The following CLEC10A variants were observed in gnomAD, a reference collection of about 807,000 sequenced individuals.
CLEC10A encodes the protein C-type lectin domain containing 10A, also known as C-type lectin domain family 10 member A.
CLEC10A carries 38 observed loss-of-function variants against 42.0 expected under a neutral mutation model. That is an observed-to-expected ratio of 0.90 (90% CI 0.70 to 1.18). CLEC10A has a LOEUF of 1.18. CLEC10A is among the 50% of genes most tolerant of loss of function. The pLI, the probability that CLEC10A is intolerant of heterozygous loss-of-function variation, is 0.00. For synonymous variants in CLEC10A, 126 were observed against 139.9 expected, an observed-to-expected ratio of 0.90 and a Z score of 0.70; for missense variants, 298 against 345.9, an observed-to-expected ratio of 0.86 and a Z score of 1.10.
intron 5 of CLEC10A, among the ~76,000 whole-genome samples, chr17:7,076,333 G>T (rs1211655978): frequency 2.3e-5 from 3 of 132,658 alleles, no homozygotes; most frequent in African/African-American, 8.7e-5. Flanking sequence ...TTTTTGAGAC[G>T]GAGTTTCACT....
chr17:7,075,369 G>T lies in CLEC10A; in HGVS notation c.692C>A (p.Thr231Asn). Residue 231 changes from threonine (T) to asparagine (N), a missense_variant, in exon 8 of 9, where the codon ACC becomes AAC. This residue lies in a region of CLEC10A where 267 missense variants were observed against 289.5 expected (regional missense o/e 0.92). Coordinates refer to ENST00000416562, the MANE Select transcript of CLEC10A (RefSeq NM_001330070.2). ...GCCAGGGTGCACTCACTGGAAGCCG[G>T]TCGCATAGTCTGTTCCATCCACCCA... ...WKWVDGTDYA[T>N]GFQNWKPGQP... is the part of the protein sequence containing the mutation. 3 of 1,515,170 alleles carry T rather than the reference G, an allele frequency of 2.0e-6. No homozygotes were observed. The highest frequency in any genetic ancestry group is 2.6e-6 in the Non-Finnish European group (3 of 1,133,918). The allele number at this position is 1,515,170 out of a possible 1,614,324, so 93.9% of individuals were successfully genotyped here.
chr17:7,074,964 T>C lies in CLEC10A; in HGVS notation c.*90A>G. The C allele has an allele frequency of 9.2e-7, 1 of 1,083,982 alleles. No individual in the cohort carries two copies. Among genetic ancestry groups the C allele is most frequent in the Non-Finnish European group, 1.3e-6 (1 of 795,006 alleles). The allele number at this position is 1,083,982 out of a possible 1,614,324, so 67.1% of individuals were successfully genotyped here. On this transcript the variant is annotated 3_prime_UTR_variant, in exon 9 of 9. Transcript: ENST00000416562. ...TGCTTCCAATCTCCCAGTGCTTATTTCTCTCCCAGAGCGGTCTTGCGAGGA... is the reference window on the plus strand; with the variant it reads ...TGCTTCCAATCTCCCAGTGCTTATTCCTCTCCCAGAGCGGTCTTGCGAGGA...
rs368232903 is a variant in CLEC10A, at chr17:7,075,698, A to G, written c.594+33T>C. 6.6e-5 allele frequency: 107 copies of G among 1,614,104 alleles called. No individual in the cohort carries two copies. In the African/African-American group the frequency reaches 1.3e-3, roughly 20 times the overall value. On this transcript the variant is annotated intron_variant, in intron 7 of 8. Transcript: ENST00000416562. The stretch of plus-strand genomic sequence containing the variant: ...TAAGAACCATTTCCCTAAATGGGAC[A>G]TGTCTTAGGAACTGAGTACCAGAAG...
rs775410503 is a variant in CLEC10A, at chr17:7,075,885, G to T, written c.440C>A (p.Ala147Asp). ...AGGGCAGCAGGTCCCTTCAGTGGAG[G>T]CTGATTGGGGAGAAATAGGATAGGG... Reference protein sequence around the residue: ...TCQVATLNNNASTEGTCCPVN... With the variant: ...TCQVATLNNNDSTEGTCCPVN... Residue 147 changes from alanine (A) to aspartate (D), a missense_variant and splice_region_variant, in exon 7 of 9, where the codon GCC becomes GAC. Around this residue, in one of 3 missense-constraint regions of CLEC10A, gnomAD observed 267 missense variants for 289.5 expected, o/e 0.92. Coordinates refer to ENST00000416562, the MANE Select transcript of CLEC10A (RefSeq NM_001330070.2). 1.9e-6 allele frequency: 3 copies of T among 1,594,160 alleles called. No homozygotes were observed. Among genetic ancestry groups the T allele is most frequent in the South Asian group, 1.1e-5 (1 of 90,626 alleles).
Position 7,078,128 on chromosome 17 carries a change from A to T in CLEC10A, c.68-15T>A. The T allele has an allele frequency of 1.3e-6, 2 of 1,592,430 alleles. No individual in the cohort carries two copies. Among genetic ancestry groups the T allele is most frequent in the Non-Finnish European group, 1.7e-6 (2 of 1,161,630 alleles). On this transcript the variant is annotated splice_polypyrimidine_tract_variant and intron_variant, in intron 2 of 8. Transcript: ENST00000416562. ...AGGAAGTGGCCCTGCAAGAGGAGAG[A>T]GTGTCAGGATGAGGAGGGTCCAGAC... is the stretch of plus-strand genomic sequence containing the variant.
intron 1 of CLEC10A, among the ~76,000 whole-genome samples, chr17:7,079,666 G>A (rs958786860): frequency 2.2e-4 from 34 of 152,096 alleles, no homozygotes; most frequent in Admixed American, 9.2e-4. Flanking sequence ...CTGGAAATGG[G>A]CCACCAATGA....
intron 1 of CLEC10A, among the ~76,000 whole-genome samples, 182 bp from the exon 2 acceptor site, chr17:7,079,067 T>C (rs1020907299): frequency 1.3e-5 from 2 of 152,122 alleles, no homozygotes; most frequent in Non-Finnish European, 2.9e-5. Context: ...ACGTTGGAGC[T>C]AAACGCATTG....
intron 5 of CLEC10A, 143 bp downstream of exon 5, chr17:7,076,590 G>T (rs964576528): frequency 5.4e-6 from 5 of 927,724 alleles, no homozygotes; most frequent in Non-Finnish European, 7.0e-6. Flanking sequence ...GGGATTACAG[G>T]CGTGAACCAC....
Position 7,078,122 on chromosome 17 carries a change from G to A in CLEC10A, c.68-9C>T. 11 of 1,599,398 alleles carry A rather than the reference G, an allele frequency of 6.9e-6. No individual in the cohort carries two copies. The highest frequency in any genetic ancestry group is 2.2e-5 in the East Asian group (1 of 44,786). ...CTGGAGAGGAAGTGGCCCTGCAAGA[G>A]GAGAGAGTGTCAGGATGAGGAGGGT... On this transcript the variant is annotated splice_polypyrimidine_tract_variant and intron_variant, in intron 2 of 8. Transcript: ENST00000416562.
At position 7,080,033 on chromosome 17, in the gene CLEC10A, G is replaced by C. The variant is rs1025009327; in HGVS notation, c.-74+19C>G. The C allele has an allele frequency of 1.3e-5, 2 of 152,208 alleles. No individual in the cohort carries two copies. The highest frequency in any genetic ancestry group is 6.5e-5 in the Admixed American group (1 of 15,274). The allele number at this position is 152,208 out of a possible 1,614,324, so 9.4% of individuals were successfully genotyped here. On this transcript the variant is annotated intron_variant, in intron 1 of 8. Transcript: ENST00000416562. The stretch of plus-strand genomic sequence containing the variant: ...ATCCCCTGTCCCCTGGGTCTCACCG[G>C]CACCGGCAGCACCATTACCTGTGGG...
chr17:7,079,185 C>A (rs1912037744), intron 1 of CLEC10A, among the ~76,000 whole-genome samples: 1 of 152,006 alleles, frequency 6.6e-6, no homozygotes, highest in South Asian at 2.1e-4. Flanking sequence ...TTGGGGTTAA[C>A]TTTGGTGGTG....
chr17:7,079,877 T>C (rs1245615919), intron 1 of CLEC10A, among the ~76,000 whole-genome samples, 175 bp downstream of exon 1: 2 of 151,840 alleles, frequency 1.3e-5, no homozygotes, highest in Non-Finnish European at 2.9e-5. Flanking sequence ...CGTAACCCAA[T>C]CTAGAATCCA....
Position 7,075,231 on chromosome 17 carries a change from A to G in CLEC10A, c.702-9T>C. The G allele has an allele frequency of 6.6e-7, 1 of 1,523,066 alleles. No homozygotes were observed. The highest frequency in any genetic ancestry group is 1.3e-5 in the South Asian group (1 of 76,426). 94.3% of individuals were successfully genotyped at this position (1,523,066 alleles called of 1,614,324 possible). On this transcript the variant is annotated splice_polypyrimidine_tract_variant and intron_variant, in intron 8 of 8. Coordinates refer to ENST00000416562, the MANE Select transcript of CLEC10A (RefSeq NM_001330070.2). ...GGCCTGGCTTCCAGTTCCTGAGAGG[A>G]AAAGACAACAGCAAGCTAGGAAGGG...
chr17:7,076,181 C>T (rs1567744456), intron 5 of CLEC10A, 110 bp from the exon 6 acceptor site: 1 of 1,602,238 alleles, frequency 6.2e-7, no homozygotes. Flanking sequence ...GGGAATGTTC[C>T]TTCCCGCCCC....
chr17:7,076,673 C>T (rs1183064496), intron 5 of CLEC10A, 60 bp downstream of exon 5: 20 of 1,573,466 alleles, frequency 1.3e-5, no homozygotes, highest in Non-Finnish European at 1.7e-5. Context: ...GGAGTCTGTT[C>T]CCACCTCCAC....
chr17:7,076,183 T>TTGGCG, intron 5 of CLEC10A, 112 bp from the exon 6 acceptor site: 1 of 1,589,746 alleles, frequency 6.3e-7, no homozygotes, highest in Non-Finnish European at 8.6e-7. Flanking sequence ...GAATGTTCCT[T>TTGGCG]CCCGCCCCCA....
In CLEC10A at chr17:7,075,987, T is replaced by C. The variant is rs1911710601; in HGVS notation, c.437A>G (p.Asn146Ser). ...GGTACTCCCCATACCTTCCTCACCA[T>C]TGTTGTTGAGAGTAGCCACCTGGCA... is the stretch of plus-strand genomic sequence containing the variant. ...LTCQVATLNN[N>S]ASTEGTCCPV... is the part of the protein sequence containing the mutation. The change falls in exon 6 of 9, where the codon AAT becomes AGT. Residue 146 changes from asparagine (N) to serine (S), a missense_variant and splice_region_variant. By Grantham distance (46) the Asn-to-Ser change is conservative (BLOSUM62 1). Transcript: ENST00000416562. 6.2e-7 allele frequency: 1 copy of C among 1,614,136 alleles called. No homozygotes were observed. The highest frequency in any genetic ancestry group is 8.5e-7 in the Non-Finnish European group (1 of 1,180,012).
chr17:7,077,065 G>T, intron 3 of CLEC10A, 78 bp from the exon 4 acceptor site: 2 of 1,029,904 alleles, frequency 1.9e-6, no homozygotes, highest in Non-Finnish European at 1.5e-6. Flanking sequence ...CCCTCCATAA[G>T]CATTGCCTTA....
At chr17:7,077,361 T>C (rs574292923) in intron 3 of CLEC10A, among the ~76,000 whole-genome samples, 1,722 of 107,380 alleles carry the variant, frequency 0.016, no homozygotes, top group East Asian at 0.02. Flanking sequence ...CTCCGACCAC[T>C]GTTCTCATCA....
Sources: allele counts gnomAD v4.1 joint callset (sites outside exome capture counted in the v4.1 genomes callset), GRCh38; gene constraint gnomAD v4.1.1; regional missense constraint gnomAD v4.1.1; transcripts MANE v1.5; gene names NCBI Gene and HGNC (gene_info 2026-07-23, HGNC 2026-07-21).